GSG1L: variants seen among roughly 807,000 people sequenced by gnomAD.
The protein encoded by GSG1L is germ cell-specific gene 1-like protein.
Under a neutral mutation model 42.1 loss-of-function variants are expected in GSG1L, and 24 were observed. The ratio of observed to expected loss-of-function variants is 0.57; its 90% confidence interval spans 0.41 to 0.80. The LOEUF is 0.80. Ranked by LOEUF, GSG1L falls within the 30% of genes least tolerant of loss-of-function variation. GSG1L has a pLI of 0.00. For missense variants in GSG1L, 445 were observed against 472.2 expected (o/e 0.94, Z 0.53); for synonymous variants, 215 against 203.5 (o/e 1.06, Z -0.48).
chr16:28,044,768 C>T (rs774908343), intron 1 of GSG1L, among the ~76,000 whole-genome samples: 10 of 151,910 alleles, frequency 6.6e-5, no homozygotes, highest in Non-Finnish European at 1.3e-4. Flanking sequence ...GGATTAGAGG[C>T]GTGTGCCACC....
chr16:27,861,729 C>G (rs965444614), intron 3 of GSG1L, among the ~76,000 whole-genome samples: 6 of 152,178 alleles, frequency 3.9e-5, no homozygotes, highest in Non-Finnish European at 5.9e-5. Flanking sequence ...AAGCATATTC[C>G]TGACCCAGGG....
At chr16:27,841,409 C>T (rs772820052) in intron 4 of GSG1L, among the ~76,000 whole-genome samples, 1 of 152,220 alleles carries the variant, frequency 6.6e-6, no homozygotes, top group Non-Finnish European at 1.5e-5. Context: ...AACCGGCACT[C>T]AACCGGCTTT....
chr16:27,892,486 G>A (rs539831196), intron 2 of GSG1L, among the ~76,000 whole-genome samples: 3 of 152,052 alleles, frequency 2.0e-5, no homozygotes, highest in African/African-American at 4.8e-5. Flanking sequence ...CACCTTGGCC[G>A]GGCTTGGTGG....
chr16:28,005,127 T>G (rs1465994842), intron 1 of GSG1L, among the ~76,000 whole-genome samples: 1 of 152,172 alleles, frequency 6.6e-6, no homozygotes, highest in Non-Finnish European at 1.5e-5. Context: ...CTCTCCTTTT[T>G]TTTGAGATGG....
At chr16:27,915,910 C>A (rs564124534) in intron 2 of GSG1L, among the ~76,000 whole-genome samples, 1 of 152,070 alleles carries the variant, frequency 6.6e-6, no homozygotes, top group South Asian at 2.1e-4. Flanking sequence ...CCGGGTGGGG[C>A]CCTCGGGCAA....
chr16:27,791,583 C>T, intron 6 of GSG1L, 116 bp from the exon 7 acceptor site: 1 of 566,084 alleles, frequency 1.8e-6, no homozygotes, highest in Non-Finnish European at 2.8e-6. Flanking sequence ...AGGCCTTCTG[C>T]CCATCATGCC....
chr16:28,031,363 G>C lies in GSG1L; in HGVS notation c.349+31713C>G, dbSNP rs1028324765. On this transcript the variant is annotated intron_variant, in intron 1 of 6. Coordinates refer to ENST00000447459, the MANE Select transcript of GSG1L (RefSeq NM_001109763.2). Reference sequence around the variant, plus strand: ...GATGGGATTGGATGAGATGGGATGGGGTGGGATGAGATGGGATGGGATGGG... The same window carrying C: ...GATGGGATTGGATGAGATGGGATGGCGTGGGATGAGATGGGATGGGATGGG... Among the ~76,000 whole-genome samples, 6 of 148,666 alleles carry C rather than the reference G, an allele frequency of 4.0e-5. No individual in the cohort carries two copies. In the South Asian group the frequency reaches 1.3e-3, roughly 32 times the overall value.
intron 1 of GSG1L, among the ~76,000 whole-genome samples, chr16:28,034,761 G>A (rs886940965): frequency 1.3e-5 from 2 of 152,102 alleles, no homozygotes; most frequent in South Asian, 2.1e-4. Flanking sequence ...GATATTTAGC[G>A]GCATCCAGGG....
rs117306380 is a variant in GSG1L at position 28,009,105 on chromosome 16, G to A, written c.350-45902C>T. Reference sequence around the variant, plus strand: ...ATTACAGGAGTAAGCCACGGTGCTTGGCCACATCAGTACTGTTTTAACTGC... The same window carrying A: ...ATTACAGGAGTAAGCCACGGTGCTTAGCCACATCAGTACTGTTTTAACTGC... On this transcript the variant is annotated intron_variant, in intron 1 of 6. Coordinates refer to ENST00000447459, the MANE Select transcript of GSG1L (RefSeq NM_001109763.2). Among the ~76,000 whole-genome samples, 664 of 152,284 alleles carry A rather than the reference G, an allele frequency of 4.4e-3. 4 individuals are homozygous for A. Among genetic ancestry groups the A allele is most frequent in the Non-Finnish European group, 7.7e-3 (524 of 68,010 alleles).
At chr16:27,887,536 C>T (rs1169685346) in intron 2 of GSG1L, among the ~76,000 whole-genome samples, 2 of 152,222 alleles carry the variant, frequency 1.3e-5, no homozygotes, top group Non-Finnish European at 2.9e-5. Flanking sequence ...ACCAGGAGTC[C>T]TTATCTTCAG....
At chr16:27,792,450 A>G (rs1242330997) in intron 6 of GSG1L, among the ~76,000 whole-genome samples, 5 of 152,118 alleles carry the variant, frequency 3.3e-5, no homozygotes, top group African/African-American at 1.2e-4. Context: ...CAATTTTTGG[A>G]AGATCACTCC....
intron 1 of GSG1L, among the ~76,000 whole-genome samples, chr16:28,025,456 T>A (rs770190348): frequency 7.2e-5 from 11 of 152,322 alleles, no homozygotes; most frequent in Non-Finnish European, 1.6e-4. Context: ...CCTTTCCTTG[T>A]GCTGTTCTTT....
At chr16:27,971,932 T>A (rs982519895) in intron 1 of GSG1L, among the ~76,000 whole-genome samples, 15 of 152,080 alleles carry the variant, frequency 9.9e-5, no homozygotes, top group Admixed American at 5.9e-4. Context: ...AAAGTGAGGG[T>A]CTGAACTTTC....
chr16:27,946,314 G>A (rs1171567239), intron 2 of GSG1L, among the ~76,000 whole-genome samples: 1 of 152,042 alleles, frequency 6.6e-6, no homozygotes, highest in African/African-American at 2.4e-5. Flanking sequence ...GGAGGCCAAG[G>A]TGGGCAGATC....
intron 2 of GSG1L, among the ~76,000 whole-genome samples, chr16:27,947,417 AAAGAAAGAAAGAGAAG>A (rs2084888809): frequency 6.6e-6 from 1 of 150,890 alleles, no homozygotes. Context: ...AGAAAGAAAG[AAAGAAAGAAAGAGAAG>A]GAAGGAAGGA....
chr16:27,804,046 G>GAT (rs200476830), intron 6 of GSG1L, among the ~76,000 whole-genome samples: 1,429 of 135,540 alleles, frequency 0.011, 30 homozygotes, highest in African/African-American at 0.037. Context: ...TGGATAGATA[G>GAT]ATAGATAGAT....
chr16:27,925,076 A>G (rs2084575668), intron 2 of GSG1L, among the ~76,000 whole-genome samples: 1 of 152,170 alleles, frequency 6.6e-6, no homozygotes, highest in Non-Finnish European at 1.5e-5. Context: ...GGTAAACAGA[A>G]CCAAATTCCT....
intron 3 of GSG1L, among the ~76,000 whole-genome samples, chr16:27,854,484 C>G (rs909577960): frequency 6.6e-6 from 1 of 152,166 alleles, no homozygotes; most frequent in Non-Finnish European, 1.5e-5. Flanking sequence ...CATTACATCC[C>G]CTGGGAGCCA....
At chr16:27,995,932 G>C (rs1325682686) in intron 1 of GSG1L, among the ~76,000 whole-genome samples, 1 of 150,966 alleles carries the variant, frequency 6.6e-6, no homozygotes, top group East Asian at 1.9e-4. Flanking sequence ...AGGCACAGTG[G>C]CTCACACCTG....
Sources: allele counts gnomAD v4.1 joint callset (sites outside exome capture counted in the v4.1 genomes callset), GRCh38; gene constraint gnomAD v4.1.1; transcripts MANE v1.5; gene names NCBI Gene and HGNC (gene_info 2026-07-23, HGNC 2026-07-21).